GXYLT1: variants seen among roughly 807,000 people sequenced by gnomAD.
The protein encoded by GXYLT1 is glycosyltransferase 8 domain containing 3.
In GXYLT1, 29 loss-of-function variants were observed where a neutral mutation model predicts 54.0. The observed-to-expected ratio is 0.54, with a 90% confidence interval of 0.40 to 0.73. The LOEUF is 0.73. Ranked by LOEUF, GXYLT1 falls within the 30% of genes least tolerant of loss-of-function variation. The probability of loss-of-function intolerance (pLI) is 0.00; values close to 1 mark genes in which losing one functional copy is unlikely to be tolerated. For synonymous variants in GXYLT1, 176 were observed against 204.1 expected, an observed-to-expected ratio of 0.86 and a Z score of 1.17; for missense variants, 490 against 553.4, an observed-to-expected ratio of 0.89 and a Z score of 1.15.
At chr12:42,120,349 G>A (rs962184372) in intron 2 of GXYLT1, among the ~76,000 whole-genome samples, 1 of 152,116 alleles carries the variant, frequency 6.6e-6, no homozygotes. Flanking sequence ...TATCTAGGAA[G>A]ATGTAAACAC....
intron 1 of GXYLT1, among the ~76,000 whole-genome samples, chr12:42,137,354 A>G (rs1383522193): frequency 6.6e-6 from 1 of 152,016 alleles, no homozygotes; most frequent in Non-Finnish European, 1.5e-5. Flanking sequence ...TAAAAACACA[A>G]AAAATTAGCC....
intron 2 of GXYLT1, among the ~76,000 whole-genome samples, chr12:42,129,428 T>C (rs1449769605): frequency 6.6e-6 from 1 of 152,186 alleles, no homozygotes; most frequent in Non-Finnish European, 1.5e-5. Context: ...CCATATTTTA[T>C]ATATATAGAT....
chr12:42,128,059 CA>C (rs2136914009), intron 2 of GXYLT1, among the ~76,000 whole-genome samples: 1 of 152,202 alleles, frequency 6.6e-6, no homozygotes, highest in South Asian at 2.1e-4. Context: ...GCAGTTCTTA[CA>C]GAGAGGAGAA....
Position 42,144,365 on chromosome 12 carries a change from G to A in GXYLT1, c.221+61C>T, listed in dbSNP as rs2065668179. On this transcript the variant is annotated intron_variant, in intron 1 of 7. Transcript: ENST00000398675. The stretch of plus-strand genomic sequence containing the variant: ...CCCACCGGCGAGCAGCCCGGGCTAG[G>A]CCGAGCCCGCGCCCAGCGCCCCGCG... The A allele has an allele frequency of 9.3e-6, 11 of 1,176,674 alleles. No individual in the cohort carries two copies. The South Asian group carries it at 1.7e-4, about 18-fold the overall frequency. The allele number at this position is 1,176,674 out of a possible 1,614,324, so 72.9% of individuals were successfully genotyped here.
intron 3 of GXYLT1, among the ~76,000 whole-genome samples, chr12:42,114,936 T>C (rs1169539362): frequency 6.6e-6 from 1 of 152,144 alleles, no homozygotes; most frequent in South Asian, 2.1e-4. Context: ...TCCACCATGA[T>C]CAAGTGGGCT....
intron 3 of GXYLT1, among the ~76,000 whole-genome samples, chr12:42,113,602 C>A (rs1282366680): frequency 6.0e-5 from 9 of 150,922 alleles, no homozygotes; most frequent in African/African-American, 7.5e-5. Flanking sequence ...TATATATGCA[C>A]CCAATACAGG....
At chr12:42,120,700 CTTTT>C (rs944674756) in intron 2 of GXYLT1, among the ~76,000 whole-genome samples, 1 of 146,678 alleles carries the variant, frequency 6.8e-6, no homozygotes, top group Non-Finnish European at 1.5e-5. Context: ...TCCAACTAAT[CTTTT>C]TTTTTATTTT....
chr12:42,101,638 C>T (rs551829914), intron 5 of GXYLT1, among the ~76,000 whole-genome samples: 36 of 151,728 alleles, frequency 2.4e-4, no homozygotes, highest in South Asian at 6.2e-4. Context: ...GTGGCGCAAT[C>T]TTGGCTCACT....
intron 1 of GXYLT1, among the ~76,000 whole-genome samples, chr12:42,135,436 C>T (rs2065614430): frequency 6.6e-6 from 1 of 152,108 alleles, no homozygotes; most frequent in Non-Finnish European, 1.5e-5. Flanking sequence ...CAGAGTTGTG[C>T]AACCATGACT....
In GXYLT1 at chr12:42,144,742, G is replaced by C. The variant is rs1319987309; in HGVS notation, c.-96C>G. ...CACCGCGCAGCCGCGGGCGCAACAA[G>C]TTCCTCACCCGCAGCCGCCGCCGCC... is the stretch of plus-strand genomic sequence containing the variant. On this transcript the variant is annotated 5_prime_UTR_variant, in exon 1 of 8. Coordinates refer to ENST00000398675, the MANE Select transcript of GXYLT1 (RefSeq NM_173601.2). 2.1e-6 allele frequency: 2 copies of C among 941,954 alleles called. No individual in the cohort carries two copies. Among genetic ancestry groups the C allele is most frequent in the Non-Finnish European group, 1.4e-6 (1 of 708,546 alleles). 58.3% of individuals were successfully genotyped at this position (941,954 alleles called of 1,614,324 possible).
Position 42,144,615 on chromosome 12 carries a change from C to T in GXYLT1, c.32G>A (p.Cys11Tyr), listed in dbSNP as rs909514787. 4 of 1,475,390 alleles carry T rather than the reference C, an allele frequency of 2.7e-6. No individual in the cohort carries two copies. The highest frequency in any genetic ancestry group is 2.7e-6 in the Non-Finnish European group (3 of 1,111,364). 91.4% of individuals were successfully genotyped at this position (1,475,390 alleles called of 1,614,324 possible). A position where few individuals can be genotyped will look rare whatever the true frequency, so the allele number is the denominator to read the frequency against. The change falls in exon 1 of 8, where the codon TGT becomes TAT. Residue 11 changes from cysteine to tyrosine, a missense_variant. By Grantham distance (194) the Cys-to-Tyr change is radical. This residue lies in a region of GXYLT1 where 148 missense variants were observed against 210.7 expected (regional missense o/e 0.70). Transcript: ENST00000398675. ...GAGCGAGCAGAAGCCGCAGGCCACACACAGCACCACGACGCGCAGGTAGCG... is the reference window on the plus strand; with the variant it reads ...GAGCGAGCAGAAGCCGCAGGCCACATACAGCACCACGACGCGCAGGTAGCG... MRRYLRVVVL[C>Y]VACGFCSLLY...
At chr12:42,129,451 G>GT (rs2065581713) in intron 2 of GXYLT1, among the ~76,000 whole-genome samples, 1 of 151,988 alleles carries the variant, frequency 6.6e-6, no homozygotes, top group African/African-American at 2.4e-5. Context: ...ATCTGTAAAC[G>GT]TCAGTAGAAG....
Position 42,130,277 on chromosome 12 carries a change from T to C in GXYLT1, c.222-426A>G, listed in dbSNP as rs183144807. Among the ~76,000 whole-genome samples, 8 of 152,320 alleles carry C rather than the reference T, an allele frequency of 5.3e-5. No homozygotes were observed. The East Asian group carries it at 1.5e-3, about 29-fold the overall frequency. ...ATACTGGCAGAAAGGGAAAAGAAGA[T>C]CTTTAAATGCTTTTAAATTAATCCT... On this transcript the variant is annotated intron_variant, in intron 1 of 7. Coordinates refer to ENST00000398675, the MANE Select transcript of GXYLT1 (RefSeq NM_173601.2).
rs1229164566 is a variant in GXYLT1 at position 42,109,822 on chromosome 12, A to G, written c.487-131T>C. On this transcript the variant is annotated intron_variant, in intron 3 of 7. Transcript: ENST00000398675. ...ACATTTTATGCTGTAAAATTAAAGG[A>G]AAGATTCTTCTGTTCCACCACTGTA... 2.0e-5 allele frequency: 11 copies of G among 562,086 alleles called. No individual in the cohort carries two copies. The East Asian group carries it at 3.6e-4, about 18-fold the overall frequency. The allele number at this position is 562,086 out of a possible 1,614,324, so 34.8% of individuals were successfully genotyped here.
intron 2 of GXYLT1, among the ~76,000 whole-genome samples, chr12:42,120,877 T>C (rs1185559239): frequency 6.6e-6 from 1 of 152,164 alleles, no homozygotes; most frequent in Non-Finnish European, 1.5e-5. Context: ...TTCTGTTGGC[T>C]GTAATTAGAA....
chr12:42,143,747 A>G (rs2136925710), intron 1 of GXYLT1, among the ~76,000 whole-genome samples: 1 of 152,326 alleles, frequency 6.6e-6, no homozygotes, highest in South Asian at 2.1e-4. Context: ...CTAAGTCATT[A>G]CGTCGCTTTT....
At chr12:42,094,338 C>T (rs1367330871) in intron 7 of GXYLT1, among the ~76,000 whole-genome samples, 1 of 105,170 alleles carries the variant, frequency 9.5e-6, no homozygotes, top group East Asian at 2.8e-4. Context: ...GTGACAAGAG[C>T]ATAACCCTGC....
At chr12:42,129,996 G>A in intron 1 of GXYLT1, 145 bp from the exon 2 acceptor site, 2 of 559,826 alleles carry the variant, frequency 3.6e-6, no homozygotes, top group South Asian at 2.5e-5. Flanking sequence ...TAAAGATTTT[G>A]GAAAACTGAT....
chr12:42,109,035 C>T (rs944054074), intron 4 of GXYLT1, among the ~76,000 whole-genome samples: 4 of 152,074 alleles, frequency 2.6e-5, no homozygotes, highest in African/African-American at 9.7e-5. Flanking sequence ...TAGAACATTA[C>T]CAAAGAACAG....
Sources: gnomAD v4.1 joint callset for allele counts (sites outside exome capture counted in the v4.1 genomes callset) on GRCh38, gnomAD v4.1.1 for gene constraint, gnomAD v4.1.1 regional missense constraint, MANE v1.5 for transcripts, NCBI Gene and HGNC (gene_info 2026-07-23, HGNC 2026-07-21) for gene names.